The following GPC6 variants were observed in gnomAD, a reference collection of about 807,000 sequenced individuals.
GPC6 encodes the protein glypican 6.
Under a neutral mutation model 55.2 loss-of-function variants are expected in GPC6, and 14 were observed. That is an observed-to-expected ratio of 0.25 (90% CI 0.17 to 0.40). GPC6 has a LOEUF of 0.40. Ranked by LOEUF, GPC6 falls within the 10% of genes least tolerant of loss-of-function variation. The pLI, the probability that GPC6 is intolerant of heterozygous loss-of-function variation, is 1.00. For missense variants in GPC6, 641 were observed against 708.5 expected (o/e 0.90, Z 1.08); for synonymous variants, 278 against 259.6 (o/e 1.07, Z -0.68).
intron 3 of GPC6, among the ~76,000 whole-genome samples, chr13:93,836,685 TTTCGAGTA>T (rs1479938981): frequency 1.3e-5 from 2 of 152,166 alleles, no homozygotes; most frequent in African/African-American, 4.8e-5. Flanking sequence ...TATGATGGTA[TTTCGAGTA>T]TTATATTATA....
chr13:93,816,006 A>G (rs1399401340), intron 2 of GPC6, among the ~76,000 whole-genome samples: 1 of 152,174 alleles, frequency 6.6e-6, no homozygotes, highest in Non-Finnish European at 1.5e-5. Context: ...TTGTTTTCAA[A>G]TTGTTTGTAG....
chr13:93,697,166 C>T (rs963195271), intron 2 of GPC6, among the ~76,000 whole-genome samples: 1 of 152,130 alleles, frequency 6.6e-6, no homozygotes, highest in African/African-American at 2.4e-5. Flanking sequence ...CCCAGCCTTT[C>T]CTTTGGATAT....
intron 2 of GPC6, among the ~76,000 whole-genome samples, chr13:93,722,372 A>G (rs917121561): frequency 6.6e-6 from 1 of 151,886 alleles, no homozygotes; most frequent in Non-Finnish European, 1.5e-5. Context: ...GAGTAATATG[A>G]CAAATACTTC....
chr13:93,751,074 T>A (rs1225431244), intron 2 of GPC6, among the ~76,000 whole-genome samples: 1 of 152,106 alleles, frequency 6.6e-6, no homozygotes, highest in Non-Finnish European at 1.5e-5. Flanking sequence ...TCCTCATCTG[T>A]AGAGTGAGGA....
chr13:94,383,800 C>CTGT (rs1355053510), intron 7 of GPC6, among the ~76,000 whole-genome samples: 17 of 152,064 alleles, frequency 1.1e-4, no homozygotes, highest in Admixed American at 3.3e-4. Context: ...GATTGACCCA[C>CTGT]AGTTCCCTAT....
chr13:94,382,287 A>G, intron 6 of GPC6, 127 bp from the exon 7 acceptor site: 1 of 986,026 alleles, frequency 1.0e-6, no homozygotes, highest in Non-Finnish European at 1.6e-6. Flanking sequence ...TCTCTCTCTT[A>G]AAACTGTTAA....
At chr13:94,003,849 G>T (rs940483364) in intron 3 of GPC6, among the ~76,000 whole-genome samples, 1 of 152,138 alleles carries the variant, frequency 6.6e-6, no homozygotes, top group Non-Finnish European at 1.5e-5. Flanking sequence ...TTCTCTGGCA[G>T]TCTCACTTTT....
At chr13:93,685,880 C>T (rs1022818418) in intron 2 of GPC6, among the ~76,000 whole-genome samples, 1 of 152,108 alleles carries the variant, frequency 6.6e-6, no homozygotes, top group Non-Finnish European at 1.5e-5. Context: ...TTTTTATCCT[C>T]ATTTTTCAGA....
chr13:94,194,066 A>G (rs565337037), intron 4 of GPC6, among the ~76,000 whole-genome samples: 1 of 152,344 alleles, frequency 6.6e-6, no homozygotes, highest in East Asian at 1.9e-4. Flanking sequence ...AGGCATATAT[A>G]AGGACAGGTT....
At chr13:93,425,736 C>T (rs868493781) in intron 1 of GPC6, among the ~76,000 whole-genome samples, 1 of 152,154 alleles carries the variant, frequency 6.6e-6, no homozygotes, top group Non-Finnish European at 1.5e-5. Flanking sequence ...AACCTCTCAC[C>T]ATTTCCTATG....
chr13:94,267,539 T>A (rs985316330), intron 4 of GPC6, among the ~76,000 whole-genome samples: 1 of 152,188 alleles, frequency 6.6e-6, no homozygotes, highest in Admixed American at 6.5e-5. Flanking sequence ...CAGAATAGTC[T>A]AGTGTCAGTA....
At chr13:93,266,983 T>G (rs1315561223) in intron 1 of GPC6, among the ~76,000 whole-genome samples, 5 of 152,204 alleles carry the variant, frequency 3.3e-5, no homozygotes, top group African/African-American at 1.2e-4. Context: ...TGAAAGAGAT[T>G]ATAAACAGAC....
At chr13:93,221,497 C>G in the GPC6 span, among the ~76,000 whole-genome samples, 1 of 152,068 alleles carries the variant, frequency 6.6e-6, no homozygotes, top group African/African-American at 2.4e-5. Context: ...GGTTTTCCCC[C>G]CAAGAGATCA....
intron 1 of GPC6, among the ~76,000 whole-genome samples, chr13:93,437,267 TC>T (rs1443190929): frequency 6.6e-6 from 1 of 152,198 alleles, no homozygotes; most frequent in Non-Finnish European, 1.5e-5. Flanking sequence ...CAGTGGCTTC[TC>T]AGTGTTCAAG....
intron 1 of GPC6, among the ~76,000 whole-genome samples, chr13:93,488,491 G>A (rs1879821207): frequency 6.6e-6 from 1 of 152,182 alleles, no homozygotes; most frequent in South Asian, 2.1e-4. Flanking sequence ...ACCCAGTAAT[G>A]GGATGGCTAG....
intron 1 of GPC6, among the ~76,000 whole-genome samples, chr13:93,383,007 A>G (rs965519482): frequency 1.3e-5 from 2 of 152,054 alleles, no homozygotes; most frequent in African/African-American, 4.8e-5. Flanking sequence ...AAATCAATCC[A>G]TAATTGCGGT....
chr13:93,669,946 T>G (rs1881293250), intron 2 of GPC6, among the ~76,000 whole-genome samples: 1 of 152,220 alleles, frequency 6.6e-6, no homozygotes, highest in Non-Finnish European at 1.5e-5. Context: ...ATTTGCCTGC[T>G]AGGCTGTTTT....
At chr13:93,388,541 CTAAGGT>C (rs2139214187) in intron 1 of GPC6, among the ~76,000 whole-genome samples, 1 of 152,268 alleles carries the variant, frequency 6.6e-6, no homozygotes, top group East Asian at 1.9e-4. Context: ...CAGAGGCAGA[CTAAGGT>C]CACCAATTAA....
chr13:94,365,674 AT>A, intron 6 of GPC6, among the ~76,000 whole-genome samples: 1 of 152,310 alleles, frequency 6.6e-6, no homozygotes, highest in Admixed American at 6.5e-5. Context: ...CCTATGCTGC[AT>A]CTAAATTACT....
Sources: allele counts gnomAD v4.1 joint callset (sites outside exome capture counted in the v4.1 genomes callset), GRCh38; gene constraint gnomAD v4.1.1; transcripts MANE v1.5; gene names NCBI Gene and HGNC (gene_info 2026-07-23, HGNC 2026-07-21).